The following SECISBP2L variants were observed in gnomAD, a reference collection of about 807,000 sequenced individuals.
SECISBP2L encodes the protein SECIS binding protein 2 like.
A neutral mutation model predicts 114.7 loss-of-function variants in SECISBP2L; 43 were observed. The observed-to-expected ratio is 0.38, with a 90% CI of 0.29 to 0.48. SECISBP2L has a LOEUF of 0.48. Among genes scored for constraint, SECISBP2L ranks in the 20% least tolerant of loss-of-function variants. SECISBP2L has a pLI of 0.98. For synonymous variants in SECISBP2L, 451 were observed against 439.7 expected (o/e 1.03, Z -0.32); for missense variants, 1,136 against 1,301.1 (o/e 0.87, Z 1.95).
chr15:49,029,339 C>A (rs988775404), intron 4 of SECISBP2L, among the ~76,000 whole-genome samples: 1 of 152,156 alleles, frequency 6.6e-6, no homozygotes, highest in African/African-American at 2.4e-5. Context: ...CTGTGCATAT[C>A]ATTCCCTCAC....
chr15:49,033,984 T>C (rs555830269), intron 3 of SECISBP2L, among the ~76,000 whole-genome samples: 1 of 152,380 alleles, frequency 6.6e-6, no homozygotes, highest in Non-Finnish European at 1.5e-5. Context: ...GAATGTATTC[T>C]AAGAAATCAT....
chr15:49,024,966 GT>G (rs1203873228), intron 7 of SECISBP2L, among the ~76,000 whole-genome samples: 2 of 152,100 alleles, frequency 1.3e-5, no homozygotes, highest in Non-Finnish European at 2.9e-5. Context: ...GAGATAAAAT[GT>G]TTTTCATCTC....
chr15:49,014,870 C>G (rs967866477), intron 11 of SECISBP2L, among the ~76,000 whole-genome samples: 5 of 149,162 alleles, frequency 3.4e-5, no homozygotes, highest in African/African-American at 1.2e-4. Context: ...GCAGTATATA[C>G]TGTATATATA....
chr15:49,010,899 G>A (rs935950616), intron 13 of SECISBP2L, among the ~76,000 whole-genome samples: 10 of 152,062 alleles, frequency 6.6e-5, no homozygotes, highest in Non-Finnish European at 1.3e-4. Flanking sequence ...ATTCCCCAAC[G>A]TCCTCCTGCC....
intron 11 of SECISBP2L, among the ~76,000 whole-genome samples, chr15:49,014,680 C>A (rs1211967227): frequency 2.0e-5 from 3 of 150,986 alleles, no homozygotes; most frequent in Admixed American, 2.0e-4. Flanking sequence ...CAGTCTCATC[C>A]TTTTCTTGAA....
chr15:49,040,527 C>CTTTTTTTT lies in SECISBP2L; in HGVS notation c.25-2766_25-2759dup, dbSNP rs66527715. Among the ~76,000 whole-genome samples the CTTTTTTTT allele has an allele frequency of 1.5e-3, 92 of 63,186 alleles. 13 individuals carry two copies. The highest frequency in any genetic ancestry group is 1.9e-3 in the Non-Finnish European group (68 of 36,430). 41.5% of individuals were successfully genotyped at this position (63,186 alleles called of 152,430 possible). The stretch of plus-strand genomic sequence containing the variant: ...AGGAGTGTTATGATCCCAAACTATT[C>CTTTTTTTT]TTTTTTTTTTTTTTTTTTTTTTTTT... On this transcript the variant is annotated intron_variant, in intron 1 of 17. Coordinates refer to ENST00000559471, the MANE Select transcript of SECISBP2L (RefSeq NM_001193489.2).
At chr15:49,009,432 GT>G (rs1902391983) in intron 13 of SECISBP2L, 54 bp from the exon 14 acceptor site, 1 of 1,547,478 alleles carries the variant, frequency 6.5e-7, no homozygotes, top group Admixed American at 1.9e-5. Flanking sequence ...ATGCTGAAAA[GT>G]TCTACGTTGA....
At chr15:49,031,743 T>C (rs1440529720) in intron 4 of SECISBP2L, among the ~76,000 whole-genome samples, 1 of 152,208 alleles carries the variant, frequency 6.6e-6, no homozygotes, top group East Asian at 1.9e-4. Flanking sequence ...TAACATTCTA[T>C]TCAAATTTCA....
chr15:48,991,064 GAATT>G lies in SECISBP2L; in HGVS notation c.*1176_*1179del, dbSNP rs1272506588. On this transcript the variant is annotated 3_prime_UTR_variant, in exon 18 of 18. Transcript: ENST00000559471. ...GCAGAGATAAATAATAGTGAATAGA[GAATT>G]AATACCTACATATCTGTATACTCTA... is the stretch of plus-strand genomic sequence containing the variant. 4.6e-5 allele frequency: 7 copies of G among 152,154 alleles called. No individual in the cohort carries two copies. The highest frequency in any genetic ancestry group is 6.5e-5 in the Admixed American group (1 of 15,282). 9.4% of individuals were successfully genotyped at this position (152,154 alleles called of 1,614,324 possible). A position where few individuals can be genotyped will look rare whatever the true frequency, so the allele number is the denominator to read the frequency against.
chr15:49,016,064 G>T (rs180826903), intron 11 of SECISBP2L, among the ~76,000 whole-genome samples: 1 of 152,332 alleles, frequency 6.6e-6, no homozygotes, highest in African/African-American at 2.4e-5. Context: ...AGGTAATAGG[G>T]TCAGCTAAAA....
chr15:49,021,927 A>T (rs1902646652), intron 7 of SECISBP2L, among the ~76,000 whole-genome samples: 1 of 152,210 alleles, frequency 6.6e-6, no homozygotes, highest in Non-Finnish European at 1.5e-5. Context: ...TACTGAACAA[A>T]ACAAAGCAGA....
intron 15 of SECISBP2L, 59 bp from the exon 16 acceptor site, chr15:49,000,046 C>A: frequency 6.4e-7 from 1 of 1,561,202 alleles, no homozygotes; most frequent in Non-Finnish European, 8.8e-7. Context: ...GCTAATTGCA[C>A]ACCCGATAGC....
chr15:49,031,237 T>C (rs1478101907), intron 4 of SECISBP2L, among the ~76,000 whole-genome samples: 4 of 151,686 alleles, frequency 2.6e-5, no homozygotes, highest in African/African-American at 7.3e-5. Context: ...TTAGTAGAGA[T>C]GGGGTTTCAC....
At chr15:48,995,038 A>G (rs1213911745) in intron 17 of SECISBP2L, among the ~76,000 whole-genome samples, 3 of 152,144 alleles carry the variant, frequency 2.0e-5, no homozygotes, top group Non-Finnish European at 2.9e-5. Context: ...AGAGTATAGA[A>G]AAACCAAGGC....
At position 48,991,682 on chromosome 15, in the gene SECISBP2L, A is replaced by G. The variant is rs1901980156; in HGVS notation, c.*562T>C. 6.6e-6 allele frequency: 1 copy of G among 152,560 alleles called. No individual in the cohort carries two copies. Among genetic ancestry groups the G allele is most frequent in the Non-Finnish European group, 1.5e-5 (1 of 68,282 alleles). 9.5% of individuals were successfully genotyped at this position (152,560 alleles called of 1,614,324 possible). A position where few individuals can be genotyped will look rare whatever the true frequency, so the allele number is the denominator to read the frequency against. Reference sequence around the variant, plus strand: ...TGAAGGCTCTGTTTTAGCCCATCCCAACACTAATTAATTACAATAATCAGT... The same window carrying G: ...TGAAGGCTCTGTTTTAGCCCATCCCGACACTAATTAATTACAATAATCAGT... On this transcript the variant is annotated 3_prime_UTR_variant, in exon 18 of 18. Coordinates refer to ENST00000559471, the MANE Select transcript of SECISBP2L (RefSeq NM_001193489.2).
intron 1 of SECISBP2L, among the ~76,000 whole-genome samples, chr15:49,038,542 G>C (rs1193985875): frequency 3.3e-5 from 5 of 151,936 alleles, no homozygotes; most frequent in African/African-American, 1.2e-4. Context: ...TCTTAGCAAA[G>C]AGAGTTGTGA....
At chr15:49,038,619 T>G (rs2067078432) in intron 1 of SECISBP2L, among the ~76,000 whole-genome samples, 1 of 152,164 alleles carries the variant, frequency 6.6e-6, no homozygotes, top group South Asian at 2.1e-4. Flanking sequence ...GGATAAAATT[T>G]ACAAGGTGTT....
chr15:48,998,986 A>G (rs79385232), intron 16 of SECISBP2L, among the ~76,000 whole-genome samples: 2,031 of 152,346 alleles, frequency 0.013, 58 homozygotes, highest in African/African-American at 0.047. Flanking sequence ...ATTCACAGTT[A>G]AAGGGAAAGA....
At chr15:49,010,194 G>T in intron 13 of SECISBP2L, among the ~76,000 whole-genome samples, 1 of 143,580 alleles carries the variant, frequency 7.0e-6, no homozygotes. Context: ...TTCATTTCTA[G>T]TTTTCCATCT....
Sources: allele counts gnomAD v4.1 joint callset (sites outside exome capture counted in the v4.1 genomes callset), GRCh38; gene constraint gnomAD v4.1.1; transcripts MANE v1.5; gene names NCBI Gene and HGNC (gene_info 2026-07-23, HGNC 2026-07-21).